IL6ST: variants seen among roughly 807,000 people sequenced by gnomAD.
IL6ST encodes interleukin-6 receptor subunit beta.
Under a neutral mutation model 91.3 loss-of-function variants are expected in IL6ST, and 24 were observed. That is an observed-to-expected ratio of 0.26 (90% confidence interval 0.19 to 0.37). IL6ST has a LOEUF of 0.37. IL6ST is among the 10% of genes least tolerant of loss of function. The pLI, the probability that IL6ST is intolerant of heterozygous loss-of-function variation, is 1.00. For synonymous variants in IL6ST, 351 were observed against 373.6 expected, an observed-to-expected ratio of 0.94 and a Z score of 0.70; for missense variants, 914 against 1,078.5, an observed-to-expected ratio of 0.85 and a Z score of 2.14.
At chr5:55,972,422 G>A (rs1050838111) in intron 3 of IL6ST, among the ~76,000 whole-genome samples, 3 of 152,084 alleles carry the variant, frequency 2.0e-5, no homozygotes, top group Admixed American at 2.0e-4. Context: ...TGAGGCAGGA[G>A]AATGGTGTGA....
Position 55,969,465 on chromosome 5 carries a change from C to T in IL6ST, c.370+85G>A. 8 of 921,490 alleles carry T rather than the reference C, an allele frequency of 8.7e-6. No individual in the cohort carries two copies. The South Asian group carries it at 1.4e-4, about 17-fold the overall frequency. The allele number at this position is 921,490 out of a possible 1,614,324, so 57.1% of individuals were successfully genotyped here. A position where few individuals can be genotyped will look rare whatever the true frequency, so the allele number is the denominator to read the frequency against. ...AAGTCACTAAGTCCACAAGTTACTA[C>T]ATTTTATAAAGATGAAAGGACAACA... is the stretch of plus-strand genomic sequence containing the variant. On this transcript the variant is annotated intron_variant, in intron 4 of 16. Coordinates refer to ENST00000381298, the MANE Select transcript of IL6ST (RefSeq NM_002184.4).
chr5:55,981,676 A>G (rs1303142634), intron 2 of IL6ST, among the ~76,000 whole-genome samples: 1 of 152,082 alleles, frequency 6.6e-6, no homozygotes, highest in East Asian at 1.9e-4. Flanking sequence ...CAGAATTGAC[A>G]GTAGTTTGCT....
At position 55,941,119 on chromosome 5, in the gene IL6ST, G is replaced by A. The variant is rs774460769; in HGVS notation, c.2720C>T (p.Pro907Leu). The part of the protein sequence containing the change: ...TDEGMPKSYL[P>L]QTVRQGGYMP... Reference sequence around the variant, plus strand: ...GTAGCCGCCTTGCCGTACAGTCTGTGGTAAGTAACTTTTAGGCATGCCTTC... The same window carrying A: ...GTAGCCGCCTTGCCGTACAGTCTGTAGTAAGTAACTTTTAGGCATGCCTTC... Residue 907 changes from proline (P) to leucine (L), a missense_variant, in exon 17 of 17, where the codon CCA becomes CTA. Pro to Leu is a moderately conservative substitution (Grantham distance 98). Coordinates refer to ENST00000381298, the MANE Select transcript of IL6ST (RefSeq NM_002184.4). 5 of 1,613,800 alleles carry A rather than the reference G, an allele frequency of 3.1e-6. No individual in the cohort carries two copies. Among genetic ancestry groups the A allele is most frequent in the East Asian group, 4.5e-5 (2 of 44,900 alleles).
intron 3 of IL6ST, among the ~76,000 whole-genome samples, chr5:55,972,271 G>A (rs991109779): frequency 1.2e-4 from 19 of 152,188 alleles, no homozygotes; most frequent in African/African-American, 4.3e-4. Flanking sequence ...CCAGCACTTT[G>A]GGAGGCCGAG....
intron 1 of IL6ST, among the ~76,000 whole-genome samples, chr5:55,984,476 G>A (rs1753841658): frequency 6.6e-6 from 1 of 152,156 alleles, no homozygotes; most frequent in African/African-American, 2.4e-5. Context: ...AATACCATGT[G>A]AATACACAGG....
chr5:55,969,486 C>T, intron 4 of IL6ST, 64 bp downstream of exon 4: 1 of 1,047,146 alleles, frequency 9.5e-7, no homozygotes, highest in South Asian at 1.6e-5. Flanking sequence ...GATGAAAGGA[C>T]AACATTAAAA....
chr5:55,976,702 A>T (rs915894923), intron 2 of IL6ST, among the ~76,000 whole-genome samples: 18 of 152,246 alleles, frequency 1.2e-4, no homozygotes, highest in African/African-American at 4.1e-4. Flanking sequence ...TTTTCCCGAT[A>T]TATAAAGAAT....
chr5:55,971,992 G>A (rs894383216), intron 3 of IL6ST, among the ~76,000 whole-genome samples: 1 of 152,076 alleles, frequency 6.6e-6, no homozygotes, highest in East Asian at 1.9e-4. Flanking sequence ...CCAATAGCAT[G>A]GTCCTTCATC....
At chr5:55,986,292 A>G (rs1753966902) in intron 1 of IL6ST, among the ~76,000 whole-genome samples, 1 of 152,202 alleles carries the variant, frequency 6.6e-6, no homozygotes. Context: ...GTTATTTGGT[A>G]GATCCTTTTG....
rs1030573950 is a variant in IL6ST at position 55,938,999 on chromosome 5, A to G, written c.*2083T>C. On this transcript the variant is annotated 3_prime_UTR_variant, in exon 17 of 17. Coordinates refer to ENST00000381298, the MANE Select transcript of IL6ST (RefSeq NM_002184.4). ...TCTCATTCCTGTAGATTAAGAGTTC[A>G]TATTGTATATCTGACCCTGAAATGT... 1 of 205,258 alleles carries G rather than the reference A, an allele frequency of 4.9e-6. No homozygotes were observed. Among genetic ancestry groups the G allele is most frequent in the Non-Finnish European group, 1.0e-5 (1 of 100,284 alleles). 12.7% of individuals were successfully genotyped at this position (205,258 alleles called of 1,614,324 possible). A position where few individuals can be genotyped will look rare whatever the true frequency, so the allele number is the denominator to read the frequency against.
At chr5:55,954,067 A>G (rs1387237611) in intron 11 of IL6ST, among the ~76,000 whole-genome samples, 2 of 152,186 alleles carry the variant, frequency 1.3e-5, no homozygotes, top group African/African-American at 4.8e-5. Context: ...TTAATTTGAT[A>G]AAGTCAGTAA....
At chr5:55,966,373 GA>G (rs1752632060) in intron 5 of IL6ST, among the ~76,000 whole-genome samples, 1 of 152,210 alleles carries the variant, frequency 6.6e-6, no homozygotes, top group African/African-American at 2.4e-5. Context: ...GGGATTGACT[GA>G]AGGAGCAGGA....
At chr5:55,967,857 T>C (rs1293722023) in intron 5 of IL6ST, among the ~76,000 whole-genome samples, 1 of 152,040 alleles carries the variant, frequency 6.6e-6, no homozygotes, top group Non-Finnish European at 1.5e-5. Flanking sequence ...AGTGTAGTGG[T>C]GCAATCCGGG....
intron 15 of IL6ST, among the ~76,000 whole-genome samples, chr5:55,945,034 T>C (rs1751154613): frequency 7.8e-6 from 1 of 128,184 alleles, no homozygotes; most frequent in South Asian, 2.3e-4. Context: ...AGCTGAGGAA[T>C]TAAATCAAAA....
rs1232875666 is a variant in IL6ST, at chr5:55,935,511, T to TG, written c.*5570dup. ...ATGGAGAACCCAAGCAGCCTTTCCA[T>TG]GATCTTACTAAGTTGTCCAAGAGCC... On this transcript the variant is annotated 3_prime_UTR_variant, in exon 17 of 17. Coordinates refer to ENST00000381298, the MANE Select transcript of IL6ST (RefSeq NM_002184.4). 4.7e-6 allele frequency: 1 copy of TG among 214,794 alleles called. No individual in the cohort carries two copies. The highest frequency in any genetic ancestry group is 9.4e-6 in the Non-Finnish European group (1 of 106,462). 13.3% of individuals were successfully genotyped at this position (214,794 alleles called of 1,614,324 possible). A position where few individuals can be genotyped will look rare whatever the true frequency, so the allele number is the denominator to read the frequency against.
intron 15 of IL6ST, 105 bp from the exon 16 acceptor site, chr5:55,942,856 T>G: frequency 1.6e-6 from 1 of 612,682 alleles, no homozygotes; most frequent in South Asian, 2.1e-5. Flanking sequence ...ACCAAACCAA[T>G]TACCTAAATG....
At chr5:55,974,371 G>A (rs758501979) in intron 3 of IL6ST, among the ~76,000 whole-genome samples, 4 of 152,152 alleles carry the variant, frequency 2.6e-5, no homozygotes, top group Admixed American at 6.5e-5. Context: ...GCCACCCTAG[G>A]CTGGAGTGCA....
Position 55,963,350 on chromosome 5 carries a change from A to G in IL6ST, c.813+2T>C. 2 of 1,567,356 alleles carry G rather than the reference A, an allele frequency of 1.3e-6. No individual in the cohort carries two copies. The highest frequency in any genetic ancestry group is 1.7e-6 in the Non-Finnish European group (2 of 1,157,002). On this transcript the variant is annotated splice_donor_variant, in intron 7 of 16. Coordinates refer to ENST00000381298, the MANE Select transcript of IL6ST (RefSeq NM_002184.4). LOFTEE classifies it high-confidence loss of function. ...TTGAATAAACGGTAACTTTCAATTT[A>G]CCTGGCTCCAAGTTGAGGCATCTTT... is the stretch of plus-strand genomic sequence containing the variant.
chr5:55,950,771 C>T (rs934600731), intron 14 of IL6ST, among the ~76,000 whole-genome samples: 3 of 151,350 alleles, frequency 2.0e-5, no homozygotes, highest in Non-Finnish European at 2.9e-5. Flanking sequence ...TCACTTGAGC[C>T]CAGGAGTTTG....
Sources: allele counts gnomAD v4.1 joint callset (sites outside exome capture counted in the v4.1 genomes callset), GRCh38; gene constraint gnomAD v4.1.1; transcripts MANE v1.5; gene names NCBI Gene and HGNC (gene_info 2026-07-23, HGNC 2026-07-21).